The following C1QL2 variants were observed in gnomAD, a reference collection of about 807,000 sequenced individuals.
C1QL2 encodes complement C1q like 2.
Under a neutral mutation model 16.6 loss-of-function variants are expected in C1QL2, and 13 were observed. That is an observed-to-expected ratio of 0.78 (90% CI 0.51 to 1.25). The LOEUF is 1.25. C1QL2 is among the 50% of genes most tolerant of loss of function. The pLI, the probability that C1QL2 is intolerant of heterozygous loss-of-function variation, is 0.00. For missense variants in C1QL2, 396 were observed against 409.6 expected (o/e 0.97, Z 0.29); for synonymous variants, 210 against 183.2 (o/e 1.15, Z -1.18).
chr2:119,157,629 C>T lies in C1QL2; in HGVS notation c.641G>A (p.Gly214Asp). The T allele has an allele frequency of 6.2e-7, 1 of 1,614,188 alleles. No individual in the cohort carries two copies. Among genetic ancestry groups the T allele is most frequent in the South Asian group, 1.1e-5 (1 of 91,080 alleles). ...FFTYHILMRGGDGTSMWADLC... is the reference protein window; with the variant it reads ...FFTYHILMRGDDGTSMWADLC... ...GTCCGCCCACATGCTGGTGCCGTCG[C>T]CGCCGCGCATGAGGATGTGGTAGGT... The change falls in exon 1 of 2, where the codon GGC becomes GAC. Residue 214 changes from glycine (G) to aspartate (D), a missense_variant. Transcript: ENST00000272520.
At chr2:119,157,550 G>A in intron 1 of C1QL2, 36 bp downstream of exon 1, 1 of 1,468,570 alleles carries the variant, frequency 6.8e-7, no homozygotes, top group Admixed American at 2.2e-5. Flanking sequence ...CGCGGGCGAG[G>A]GTTTACGGGG....
In C1QL2 at chr2:119,158,481, G is replaced by T. The variant is rs1278570864; in HGVS notation, c.-212C>A. 1 of 313,412 alleles carries T rather than the reference G, an allele frequency of 3.2e-6. No homozygotes were observed. Among genetic ancestry groups the T allele is most frequent in the East Asian group, 5.3e-5 (1 of 18,980 alleles). 19.4% of individuals were successfully genotyped at this position (313,412 alleles called of 1,614,324 possible). ...CAGCCCCGGCTACCCAACTACTTCA[G>T]CGAGAGGCGCCGGGACCTCTGAGCC... is the stretch of plus-strand genomic sequence containing the variant. On this transcript the variant is annotated 5_prime_UTR_variant, in exon 1 of 2. In the 5' UTR this introduces an upstream ATG that the reference lacks. Coordinates refer to ENST00000272520, the MANE Select transcript of C1QL2 (RefSeq NM_182528.4).
At position 119,158,079 on chromosome 2, in the gene C1QL2, T is replaced by C. The variant is rs746583974; in HGVS notation, c.191A>G (p.Asp64Gly). ...AGGAGGAGGAGGGTTGGCGCTGAGG[T>C]CCTGCATGACTTCCAGGGCGGCGGT... Reference protein sequence around the residue: ...PSTAALEVMQDLSANPPPPFI... With the variant: ...PSTAALEVMQGLSANPPPPFI... Residue 64 changes from aspartate to glycine, a missense_variant, in exon 1 of 2, where the codon GAC (aspartate) becomes GGC (glycine). By Grantham distance (94) the Asp-to-Gly change is moderately conservative. Coordinates refer to ENST00000272520, the MANE Select transcript of C1QL2 (RefSeq NM_182528.4). 13 of 1,527,842 alleles carry C rather than the reference T, an allele frequency of 8.5e-6. No homozygotes were observed. Among genetic ancestry groups the C allele is most frequent in the Non-Finnish European group, 1.1e-5 (13 of 1,138,384 alleles). 94.6% of individuals were successfully genotyped at this position (1,527,842 alleles called of 1,614,324 possible).
chr2:119,156,763 G>A lies in C1QL2; in HGVS notation c.*39C>T, dbSNP rs1677968454. 6.3e-7 allele frequency: 1 copy of A among 1,594,998 alleles called. No individual in the cohort carries two copies. Among genetic ancestry groups the A allele is most frequent in the Non-Finnish European group, 8.5e-7 (1 of 1,171,356 alleles). On this transcript the variant is annotated 3_prime_UTR_variant, in exon 2 of 2. Transcript: ENST00000272520. ...AGGAGCCGCGCCCGGGCGGAGACCG[G>A]GCGGCCTGCAGCCACCCCGCCTCGC...
chr2:119,157,227 G>A (rs538177039), intron 1 of C1QL2, among the ~76,000 whole-genome samples: 1 of 152,332 alleles, frequency 6.6e-6, no homozygotes, highest in South Asian at 2.1e-4. Context: ...GTGGAAGGGT[G>A]GGAGCCAGGG....
At position 119,157,998 on chromosome 2, in the gene C1QL2, C is replaced by T. The variant is rs1230031780; in HGVS notation, c.272G>A (p.Gly91Glu). 6.6e-7 allele frequency: 1 copy of T among 1,521,116 alleles called. No individual in the cohort carries two copies. Among genetic ancestry groups the T allele is most frequent in the Non-Finnish European group, 8.8e-7 (1 of 1,136,430 alleles). The allele number at this position is 1,521,116 out of a possible 1,614,324, so 94.2% of individuals were successfully genotyped here. The change falls in exon 1 of 2, where the codon GGG becomes GAG. Residue 91 changes from glycine to glutamate, a missense_variant. Gly to Glu is a moderately conservative substitution (Grantham distance 98). Coordinates refer to ENST00000272520, the MANE Select transcript of C1QL2 (RefSeq NM_182528.4). ...PGRPGKPGPRGPPGEPGPPGP... is the reference protein window; with the variant it reads ...PGRPGKPGPREPPGEPGPPGP... ...AGGCGGGCCCGGCTCTCCAGGGGGC[C>T]CCCGCGGCCCTGGCTTGCCCGGTCG...
At position 119,158,053 on chromosome 2, in the gene C1QL2, A is replaced by C; in HGVS notation, c.217T>G (p.Phe73Val). The stretch of plus-strand genomic sequence containing the variant: ...GGGTCGCCCTTGGGTCCCTGGATGA[A>C]AGGAGGAGGAGGGTTGGCGCTGAGG... ...QDLSANPPPP[F>V]IQGPKGDPGR... The change falls in exon 1 of 2, where the codon TTC becomes GTC. Residue 73 changes from phenylalanine (F) to valine (V), a missense_variant. Phe to Val is a conservative substitution (Grantham distance 50). This residue lies in a region of C1QL2 where 353 missense variants were observed against 334.8 expected (regional missense o/e 1.05). Transcript: ENST00000272520. 7.2e-6 allele frequency: 11 copies of C among 1,530,196 alleles called. No homozygotes were observed. Among genetic ancestry groups the C allele is most frequent in the Non-Finnish European group, 9.7e-6 (11 of 1,138,776 alleles). The allele number at this position is 1,530,196 out of a possible 1,614,324, so 94.8% of individuals were successfully genotyped here.
rs747387901 is a variant in C1QL2, at chr2:119,157,631, G to T, written c.639C>A (p.Gly213=). 2 of 1,614,038 alleles carry T rather than the reference G, an allele frequency of 1.2e-6. No individual in the cohort carries two copies. The highest frequency in any genetic ancestry group is 2.7e-5 in the African/African-American group (2 of 74,914). Residue 213 remains glycine (G), a synonymous_variant, in exon 1 of 2, where the codon GGC becomes GGA. Coordinates refer to ENST00000272520, the MANE Select transcript of C1QL2 (RefSeq NM_182528.4). ...YFFTYHILMR[G]GDGTSMWADL... ...CCGCCCACATGCTGGTGCCGTCGCC[G>T]CCGCGCATGAGGATGTGGTAGGTGA...
At position 119,158,433 on chromosome 2, in the gene C1QL2, C is replaced by T; in HGVS notation, c.-164G>A. The stretch of plus-strand genomic sequence containing the variant: ...GGGGACCGGCTCCGCGGGTCCTGGC[C>T]GCGCCCCCGACGTGGCGACCCCCAG... On this transcript the variant is annotated 5_prime_UTR_variant, in exon 1 of 2. Coordinates refer to ENST00000272520, the MANE Select transcript of C1QL2 (RefSeq NM_182528.4). 1 of 455,598 alleles carries T rather than the reference C, an allele frequency of 2.2e-6. No individual in the cohort carries two copies. The highest frequency in any genetic ancestry group is 3.4e-6 in the Non-Finnish European group (1 of 295,380). 28.2% of individuals were successfully genotyped at this position (455,598 alleles called of 1,614,324 possible).
chr2:119,156,762 G>T lies in C1QL2; in HGVS notation c.*40C>A, dbSNP rs775097883. On this transcript the variant is annotated 3_prime_UTR_variant, in exon 2 of 2. Transcript: ENST00000272520. The stretch of plus-strand genomic sequence containing the variant: ...AAGGAGCCGCGCCCGGGCGGAGACC[G>T]GGCGGCCTGCAGCCACCCCGCCTCG... 6.3e-7 allele frequency: 1 copy of T among 1,593,452 alleles called. No homozygotes were observed. Among genetic ancestry groups the T allele is most frequent in the Non-Finnish European group, 8.5e-7 (1 of 1,170,300 alleles).
In C1QL2 at chr2:119,158,519, G is replaced by T. The variant is rs1473361905; in HGVS notation, c.-250C>A. Reference sequence around the variant, plus strand: ...GGACCTCTGAGCCTGGGCCCACCGCGCTGGGGCTGGTCGGGAGAGCCGCGG... The same window carrying T: ...GGACCTCTGAGCCTGGGCCCACCGCTCTGGGGCTGGTCGGGAGAGCCGCGG... On this transcript the variant is annotated 5_prime_UTR_variant, in exon 1 of 2. Transcript: ENST00000272520. 1.5e-5 allele frequency: 4 copies of T among 266,804 alleles called. No homozygotes were observed. Among genetic ancestry groups the T allele is most frequent in the Admixed American group, 5.4e-5 (1 of 18,416 alleles). 16.5% of individuals were successfully genotyped at this position (266,804 alleles called of 1,614,324 possible). A position where few individuals can be genotyped will look rare whatever the true frequency, so the allele number is the denominator to read the frequency against.
chr2:119,157,871 G>T lies in C1QL2; in HGVS notation c.399C>A (p.Gly133=). Reference sequence around the variant, plus strand: ...AATCGCCACCTACCCCGGCCCCGCCGCCCACCACCCCGACGCCGCTGGCCG... The same window carrying T: ...AATCGCCACCTACCCCGGCCCCGCCTCCCACCACCCCGACGCCGCTGGCCG... ...AGTASGVGVV[G]GGAGVGGDSE... is the part of the protein sequence containing the mutation. The change falls in exon 1 of 2, where the codon GGC becomes GGA. Residue 133 remains glycine (G), a synonymous_variant. Coordinates refer to ENST00000272520, the MANE Select transcript of C1QL2 (RefSeq NM_182528.4). 2 of 1,582,146 alleles carry T rather than the reference G, an allele frequency of 1.3e-6. No homozygotes were observed. The highest frequency in any genetic ancestry group is 2.3e-5 in the South Asian group (2 of 87,016).
Position 119,158,062 on chromosome 2 carries a change from G to A in C1QL2, c.208C>T (p.Pro70Ser), listed in dbSNP as rs757745131. The A allele has an allele frequency of 3.3e-6, 5 of 1,531,502 alleles. No individual in the cohort carries two copies. The South Asian group carries it at 3.6e-5, about 11-fold the overall frequency. 94.9% of individuals were successfully genotyped at this position (1,531,502 alleles called of 1,614,324 possible). ...EVMQDLSANPPPPFIQGPKGD... is the reference protein window; with the variant it reads ...EVMQDLSANPSPPFIQGPKGD... ...TTGGGTCCCTGGATGAAAGGAGGAG[G>A]AGGGTTGGCGCTGAGGTCCTGCATG... The change falls in exon 1 of 2, where the codon CCT (proline) becomes TCT (serine). Residue 70 changes from proline to serine, a missense_variant. Physicochemically the swap from Pro to Ser is moderately conservative, Grantham distance 74 (BLOSUM62 -1). Coordinates refer to ENST00000272520, the MANE Select transcript of C1QL2 (RefSeq NM_182528.4).
chr2:119,157,608 G>A lies in C1QL2; in HGVS notation c.662C>T (p.Ala221Val), dbSNP rs778909990. 1 of 1,614,124 alleles carries A rather than the reference G, an allele frequency of 6.2e-7. No individual in the cohort carries two copies. Among genetic ancestry groups the A allele is most frequent in the Non-Finnish European group, 8.5e-7 (1 of 1,180,024 alleles). Residue 221 changes from alanine to valine, a missense_variant, in exon 1 of 2, where the codon GCG becomes GTG. Ala to Val is a moderately conservative substitution (Grantham distance 64). Around this residue, in one of 2 missense-constraint regions of C1QL2, gnomAD observed 353 missense variants for 334.8 expected, o/e 1.05. Transcript: ENST00000272520. Reference sequence around the variant, plus strand: ...GACCTGCCCGTTCTTGCAGAGGTCCGCCCACATGCTGGTGCCGTCGCCGCC... The same window carrying A: ...GACCTGCCCGTTCTTGCAGAGGTCCACCCACATGCTGGTGCCGTCGCCGCC... ...MRGGDGTSMW[A>V]DLCKNGQVRA...
chr2:119,158,558 T>G lies in C1QL2; in HGVS notation c.-289A>C, dbSNP rs888905325. ...GGAGAGCCGCGGACGCCCGCGCGCA[T>G]GACGTGGGGCACACAAGACGAATCC... On this transcript the variant is annotated 5_prime_UTR_variant, in exon 1 of 2. An upstream start codon of the reference 5' UTR is lost. Coordinates refer to ENST00000272520, the MANE Select transcript of C1QL2 (RefSeq NM_182528.4). 1.4e-5 allele frequency: 3 copies of G among 215,008 alleles called. No homozygotes were observed. The highest frequency in any genetic ancestry group is 2.8e-5 in the Non-Finnish European group (3 of 108,238). 13.3% of individuals were successfully genotyped at this position (215,008 alleles called of 1,614,324 possible). A position where few individuals can be genotyped will look rare whatever the true frequency, so the allele number is the denominator to read the frequency against.
At position 119,157,536 on chromosome 2, in the gene C1QL2, A is replaced by G. The variant is rs774626869; in HGVS notation, c.684+50T>C. ...AGGAGGCTGGTTCCCTGGGAGGTTC[A>G]GGGCGCGGGCGAGGGTTTACGGGGG... On this transcript the variant is annotated intron_variant, in intron 1 of 1. Transcript: ENST00000272520. The G allele has an allele frequency of 1.4e-5, 22 of 1,542,748 alleles. 1 individual carries two copies. The South Asian group carries it at 2.1e-4, about 14-fold the overall frequency.
At chr2:119,157,006 T>G (rs1573493789) in intron 1 of C1QL2, 25 bp from the exon 2 acceptor site, 14 of 1,610,364 alleles carry the variant, frequency 8.7e-6, no homozygotes, top group Non-Finnish European at 1.2e-5. Flanking sequence ...TGGGAGCAGG[T>G]GAGCCGGGGC....
At position 119,157,636 on chromosome 2, in the gene C1QL2, G is replaced by T. The variant is rs527268697; in HGVS notation, c.634C>A (p.Arg212Ser). The change falls in exon 1 of 2, where the codon CGC becomes AGC. Residue 212 changes from arginine to serine, a missense_variant. Around this residue, in one of 2 missense-constraint regions of C1QL2, gnomAD observed 353 missense variants for 334.8 expected, o/e 1.05. Coordinates refer to ENST00000272520, the MANE Select transcript of C1QL2 (RefSeq NM_182528.4). ...CACATGCTGGTGCCGTCGCCGCCGC[G>T]CATGAGGATGTGGTAGGTGAAGAAG... ...IYFFTYHILM[R>S]GGDGTSMWAD... 2.5e-6 allele frequency: 4 copies of T among 1,614,036 alleles called. No homozygotes were observed. Among genetic ancestry groups the T allele is most frequent in the African/African-American group, 1.3e-5 (1 of 74,994 alleles).
rs777736771 is a variant in C1QL2, at chr2:119,157,024, C to T, written c.685-43G>A. ...GAGCAGGTGAGCCGGGGCACCTCTT[C>T]CCGCGCCTTTGCTCAGCCCACACCA... is the stretch of plus-strand genomic sequence containing the variant. On this transcript the variant is annotated intron_variant, in intron 1 of 1. Coordinates refer to ENST00000272520, the MANE Select transcript of C1QL2 (RefSeq NM_182528.4). The T allele has an allele frequency of 2.6e-5, 41 of 1,603,704 alleles. 1 individual carries two copies. Among genetic ancestry groups the T allele is most frequent in the Middle Eastern group, 4.1e-4 (2 of 4,918 alleles).
Sources: gnomAD v4.1 joint callset for allele counts (sites outside exome capture counted in the v4.1 genomes callset) on GRCh38, gnomAD v4.1.1 for gene constraint, gnomAD v4.1.1 regional missense constraint, MANE v1.5 for transcripts, NCBI Gene and HGNC (gene_info 2026-07-23, HGNC 2026-07-21) for gene names.